AMDHD1: variants seen among roughly 807,000 people sequenced by gnomAD.
AMDHD1 encodes the protein probable imidazolonepropionase.
A neutral mutation model predicts 44.1 loss-of-function variants in AMDHD1; 45 were observed. The observed-to-expected ratio is 1.02, with a 90% CI of 0.80 to 1.31. The LOEUF (loss-of-function observed/expected upper bound fraction) is 1.31. AMDHD1 is among the 50% of genes most tolerant of loss of function. The pLI, the probability that AMDHD1 is intolerant of heterozygous loss-of-function variation, is 0.00. For synonymous variants in AMDHD1, 206 were observed against 205.0 expected, an observed-to-expected ratio of 1.00 and a Z score of -0.04; for missense variants, 586 against 552.1, an observed-to-expected ratio of 1.06 and a Z score of -0.61.
rs762010303 is a variant in AMDHD1, at chr12:95,967,812, T to C, written c.1250T>C (p.Ile417Thr). Residue 417 changes from isoleucine to threonine, a missense_variant, in exon 9 of 9, where the codon ATA becomes ACA. Transcript: ENST00000266736. ...CATCATGAATTAATTGAATATGTTATAGCTAAAGGAAAACTCATCTATAAA... is the reference window on the plus strand; with the variant it reads ...CATCATGAATTAATTGAATATGTTACAGCTAAAGGAAAACTCATCTATAAA... ...GGHHELIEYV[I>T]AKGKLIYKT 26 of 1,601,782 alleles carry C rather than the reference T, an allele frequency of 1.6e-5. No individual in the cohort carries two copies. Among genetic ancestry groups the C allele is most frequent in the Non-Finnish European group, 1.9e-5 (22 of 1,175,518 alleles).
chr12:95,958,771 G>A (rs546663670), intron 4 of AMDHD1, among the ~76,000 whole-genome samples: 4 of 152,092 alleles, frequency 2.6e-5, no homozygotes, highest in South Asian at 2.1e-4. Flanking sequence ...AATAACTTGC[G>A]CAGGCAGGGC....
rs1170844527 is a variant in AMDHD1, at chr12:95,949,140, T to TAAAAAA, written c.138-3563_138-3558dup. Among the ~76,000 whole-genome samples the TAAAAAA allele has an allele frequency of 8.5e-3, 38 of 4,462 alleles. 2 individuals are homozygous for TAAAAAA. The highest frequency in any genetic ancestry group is 0.01 in the Non-Finnish European group (33 of 3,160). 2.9% of individuals were successfully genotyped at this position (4,462 alleles called of 152,430 possible). Reference sequence around the variant, plus strand: ...AAGAATTATCAATAAAAAAATAAATTAAAAAAAAAAAAAAAAAAAGAAAAA... The same window carrying TAAAAAA: ...AAGAATTATCAATAAAAAAATAAATTAAAAAAAAAAAAAAAAAAAAAAAAAGAAAAA... On this transcript the variant is annotated intron_variant, in intron 1 of 8. Coordinates refer to ENST00000266736, the MANE Select transcript of AMDHD1 (RefSeq NM_152435.3).
intron 4 of AMDHD1, among the ~76,000 whole-genome samples, chr12:95,959,427 G>A (rs1036414926): frequency 3.3e-5 from 5 of 152,076 alleles, no homozygotes; most frequent in African/African-American, 1.2e-4. Context: ...TTTTTTTTTA[G>A]AGACAGGGTC....
intron 8 of AMDHD1, among the ~76,000 whole-genome samples, chr12:95,966,813 C>T (rs543098673): frequency 6.6e-6 from 1 of 152,296 alleles, no homozygotes; most frequent in East Asian, 1.9e-4. Context: ...TTTTTCTGCT[C>T]GGCTTCTGAT....
intron 1 of AMDHD1, among the ~76,000 whole-genome samples, chr12:95,946,311 G>A (rs543708985): frequency 6.6e-6 from 1 of 152,022 alleles, no homozygotes; most frequent in South Asian, 2.1e-4. Flanking sequence ...AAAATTGGTG[G>A]GTGTTATATT....
At position 95,968,632 on chromosome 12, in the gene AMDHD1, C is replaced by T. The variant is rs1347926431; in HGVS notation, c.*789C>T. The T allele has an allele frequency of 1.3e-5, 2 of 152,064 alleles. No individual in the cohort carries two copies. Among genetic ancestry groups the T allele is most frequent in the Non-Finnish European group, 2.9e-5 (2 of 68,000 alleles). The allele number at this position is 152,064 out of a possible 1,614,324, so 9.4% of individuals were successfully genotyped here. A position where few individuals can be genotyped will look rare whatever the true frequency, so the allele number is the denominator to read the frequency against. On this transcript the variant is annotated 3_prime_UTR_variant, in exon 9 of 9. Transcript: ENST00000266736. ...TTTCAGCCTGGAAGTAGATCAGCAGCGTTGTCTATTAGAGTTTTTAGGAAA... is the reference window on the plus strand; with the variant it reads ...TTTCAGCCTGGAAGTAGATCAGCAGTGTTGTCTATTAGAGTTTTTAGGAAA...
intron 1 of AMDHD1, among the ~76,000 whole-genome samples, chr12:95,946,061 CTGTGTGTGTG>C (rs56658923): frequency 7.3e-5 from 9 of 122,486 alleles, no homozygotes; most frequent in Admixed American, 1.5e-4. Context: ...CTCTTTCTCT[CTGTGTGTGTG>C]TGTGTGTGTG....
intron 5 of AMDHD1, among the ~76,000 whole-genome samples, chr12:95,961,515 G>A (rs1489164731): frequency 6.6e-6 from 1 of 152,132 alleles, no homozygotes; most frequent in Non-Finnish European, 1.5e-5. Context: ...AAATAAACAA[G>A]CCCTTGGGGC....
intron 2 of AMDHD1, among the ~76,000 whole-genome samples, chr12:95,953,607 A>G (rs913967113): frequency 6.6e-6 from 1 of 152,178 alleles, no homozygotes; most frequent in African/African-American, 2.4e-5. Flanking sequence ...ATTTTGAGAC[A>G]GTCTCACTGT....
Position 95,956,770 on chromosome 12 carries a change from A to T in AMDHD1, c.395A>T (p.Glu132Val). 6.2e-7 allele frequency: 1 copy of T among 1,614,226 alleles called. No homozygotes were observed. Among genetic ancestry groups the T allele is most frequent in the Non-Finnish European group, 8.5e-7 (1 of 1,180,050 alleles). The change falls in exon 4 of 9, where the codon GAG (glutamate) becomes GTG (valine). Residue 132 changes from glutamate to valine, a missense_variant. By Grantham distance (121) the Glu-to-Val change is moderately radical. Coordinates refer to ENST00000266736, the MANE Select transcript of AMDHD1 (RefSeq NM_152435.3). ...GAGCGCACGCGCCAAGCCACAGAGG[A>T]GGAGCTGTTCCGCTCCTTGCAGCAA... ...TVERTRQATE[E>V]ELFRSLQQRL...
chr12:95,967,944 A>C lies in AMDHD1; in HGVS notation c.*101A>C. 9.8e-6 allele frequency: 8 copies of C among 816,704 alleles called. No homozygotes were observed. Among genetic ancestry groups the C allele is most frequent in the Non-Finnish European group, 1.5e-5 (8 of 528,324 alleles). 50.6% of individuals were successfully genotyped at this position (816,704 alleles called of 1,614,324 possible). A position where few individuals can be genotyped will look rare whatever the true frequency, so the allele number is the denominator to read the frequency against. ...ATATTTACAAGAATTATATCACTTA[A>C]ACCTAAATGTACTTCAATGTCTTTT... is the stretch of plus-strand genomic sequence containing the variant. On this transcript the variant is annotated 3_prime_UTR_variant, in exon 9 of 9. Transcript: ENST00000266736.
chr12:95,953,091 C>T (rs2080532372), intron 2 of AMDHD1, among the ~76,000 whole-genome samples: 1 of 152,160 alleles, frequency 6.6e-6, no homozygotes, highest in Admixed American at 6.5e-5. Context: ...ATATGTTACC[C>T]AAGGTTCCTA....
At position 95,956,139 on chromosome 12, in the gene AMDHD1, C is replaced by T. The variant is rs1372354806; in HGVS notation, c.310-546C>T. ...TTGTTTGTTTTTTGAGATAGAGTCTCGCTCTGTCACCCAGGCTGGAGTGCA... is the reference window on the plus strand; with the variant it reads ...TTGTTTGTTTTTTGAGATAGAGTCTTGCTCTGTCACCCAGGCTGGAGTGCA... On this transcript the variant is annotated intron_variant, in intron 3 of 8. Coordinates refer to ENST00000266736, the MANE Select transcript of AMDHD1 (RefSeq NM_152435.3). Among the ~76,000 whole-genome samples the T allele has an allele frequency of 4.6e-5, 7 of 152,078 alleles. No homozygotes were observed. The East Asian group carries it at 5.8e-4, about 13-fold the overall frequency.
chr12:95,967,810 T>C lies in AMDHD1; in HGVS notation c.1248T>C (p.Val416=). 3.1e-6 allele frequency: 5 copies of C among 1,602,458 alleles called. No individual in the cohort carries two copies. The highest frequency in any genetic ancestry group is 4.3e-6 in the Non-Finnish European group (5 of 1,175,824). Residue 416 remains valine, a synonymous_variant, in exon 9 of 9, where the codon GTT becomes GTC. Coordinates refer to ENST00000266736, the MANE Select transcript of AMDHD1 (RefSeq NM_152435.3). The part of the protein sequence containing the change: ...FGGHHELIEY[V]IAKGKLIYKT ...GCCATCATGAATTAATTGAATATGT[T>C]ATAGCTAAAGGAAAACTCATCTATA...
At chr12:95,955,438 A>G (rs1335250119) in intron 3 of AMDHD1, among the ~76,000 whole-genome samples, 3 of 152,094 alleles carry the variant, frequency 2.0e-5, no homozygotes, top group Non-Finnish European at 4.4e-5. Context: ...CTGGTTGGAG[A>G]GATTTTCACA....
intron 1 of AMDHD1, among the ~76,000 whole-genome samples, chr12:95,948,380 G>A (rs1592821007): frequency 1.8e-5 from 1 of 55,466 alleles, no homozygotes; most frequent in Non-Finnish European, 3.2e-5. Context: ...CAGCCCCCCT[G>A]CCCGGCCAGT....
chr12:95,943,358 CGAG>C lies in AMDHD1; in HGVS notation c.-40_-38del. 1.4e-6 allele frequency: 2 copies of C among 1,459,692 alleles called. No homozygotes were observed. The highest frequency in any genetic ancestry group is 9.0e-7 in the Non-Finnish European group (1 of 1,113,410). 90.4% of individuals were successfully genotyped at this position (1,459,692 alleles called of 1,614,324 possible). A position where few individuals can be genotyped will look rare whatever the true frequency, so the allele number is the denominator to read the frequency against. ...CCTCCACTGAGTCCTGCCGGTGGCC[CGAG>C]CCCGGTGGCCTCCCGGCGACCCTCG... On this transcript the variant is annotated 5_prime_UTR_variant, in exon 1 of 9. Coordinates refer to ENST00000266736, the MANE Select transcript of AMDHD1 (RefSeq NM_152435.3).
At chr12:95,947,794 C>T (rs1381538284) in intron 1 of AMDHD1, among the ~76,000 whole-genome samples, 3 of 91,868 alleles carry the variant, frequency 3.3e-5, no homozygotes, top group African/African-American at 1.2e-4. Context: ...GGCCAGCCGC[C>T]CCGTCCGGGA....
In AMDHD1 at chr12:95,967,833, A is replaced by G. The variant is rs2080619823; in HGVS notation, c.1271A>G (p.Tyr424Cys). ...EYVIAKGKLI[Y>C]KT ...GTTATAGCTAAAGGAAAACTCATCT[A>G]TAAAACATGATAGATTTGAAAAGAG... Residue 424 changes from tyrosine (Y) to cysteine (C), a missense_variant, in exon 9 of 9, where the codon TAT becomes TGT. By Grantham distance (194) the Tyr-to-Cys change is radical. Transcript: ENST00000266736. The G allele has an allele frequency of 1.9e-6, 3 of 1,583,570 alleles. No individual in the cohort carries two copies. The East Asian group carries it at 6.8e-5, about 36-fold the overall frequency.
Sources: allele counts gnomAD v4.1 joint callset (sites outside exome capture counted in the v4.1 genomes callset), GRCh38; gene constraint gnomAD v4.1.1; transcripts MANE v1.5; gene names NCBI Gene and HGNC (gene_info 2026-07-23, HGNC 2026-07-21).